CALU: variants seen among roughly 807,000 people sequenced by gnomAD.
The protein encoded by CALU is calumenin.
Under a neutral mutation model 37.5 loss-of-function variants are expected in CALU, and 13 were observed. That is an observed-to-expected ratio of 0.35 (90% CI 0.23 to 0.55). CALU has a LOEUF of 0.55. Among genes scored for constraint, CALU ranks in the 20% least tolerant of loss-of-function variants. The pLI is 0.89. For missense variants in CALU, 282 were observed against 391.7 expected, an observed-to-expected ratio of 0.72 and a Z score of 2.36; for synonymous variants, 114 against 133.8, an observed-to-expected ratio of 0.85 and a Z score of 1.02.
At chr7:128,759,696 A>G (rs1421226473) in intron 4 of CALU, 96 bp from the exon 5 acceptor site, 1 of 721,244 alleles carries the variant, frequency 1.4e-6, no homozygotes, top group African/African-American at 1.8e-5. Context: ...AGTGTGTTTA[A>G]TGAATAATAA....
At chr7:128,749,399 C>G (rs1022963999) in intron 2 of CALU, among the ~76,000 whole-genome samples, 1 of 152,106 alleles carries the variant, frequency 6.6e-6, no homozygotes, top group Non-Finnish European at 1.5e-5. Flanking sequence ...TTGGCTCTCT[C>G]GGTAGACATC....
Position 128,772,684 on chromosome 7 carries a change from A to G in CALU, c.*3517A>G. 1.2e-6 allele frequency: 2 copies of G among 1,614,004 alleles called. No homozygotes were observed. Among genetic ancestry groups the G allele is most frequent in the Non-Finnish European group, 1.7e-6 (2 of 1,179,884 alleles). On this transcript the variant is annotated 3_prime_UTR_variant, in exon 7 of 7. Transcript: ENST00000249364. ...ACTGGAGAGAAAGGTACAATTGGAGATAACCTTGGCAGATGAGGAAGTATG... is the reference window on the plus strand; with the variant it reads ...ACTGGAGAGAAAGGTACAATTGGAGGTAACCTTGGCAGATGAGGAAGTATG...
chr7:128,772,293 C>T lies in CALU; in HGVS notation c.*3126C>T, dbSNP rs1801615103. Reference sequence around the variant, plus strand: ...TCTCCAAGTGCTGTGAATGGTGCCACTTAGGAGTAGAAACTGATGATTGTT... The same window carrying T: ...TCTCCAAGTGCTGTGAATGGTGCCATTTAGGAGTAGAAACTGATGATTGTT... On this transcript the variant is annotated 3_prime_UTR_variant, in exon 7 of 7. Coordinates refer to ENST00000249364, the MANE Select transcript of CALU (RefSeq NM_001219.5). 6.6e-6 allele frequency among the ~76,000 whole-genome samples: 1 copy of T among 152,006 alleles called. No individual in the cohort carries two copies. The highest frequency in any genetic ancestry group is 1.5e-5 in the Non-Finnish European group (1 of 68,028).
intron 2 of CALU, among the ~76,000 whole-genome samples, chr7:128,751,671 G>T (rs955673806): frequency 9.3e-4 from 142 of 152,286 alleles, no homozygotes; most frequent in African/African-American, 3.4e-3. Context: ...AGGCTACAGT[G>T]AGCTGTAATT....
chr7:128,766,738 T>A (rs1243320224), intron 5 of CALU, among the ~76,000 whole-genome samples: 2 of 152,208 alleles, frequency 1.3e-5, no homozygotes, highest in African/African-American at 4.8e-5. Flanking sequence ...ATTACAGGTG[T>A]GAGCCACCAC....
intron 1 of CALU, among the ~76,000 whole-genome samples, chr7:128,743,865 G>A (rs1800331506): frequency 6.6e-6 from 1 of 152,092 alleles, no homozygotes; most frequent in South Asian, 2.1e-4. Flanking sequence ...CATTAACTTT[G>A]TATCATTTGG....
At chr7:128,754,504 G>A in intron 3 of CALU, 49 bp downstream of exon 3, 1 of 1,598,752 alleles carries the variant, frequency 6.3e-7, no homozygotes, top group South Asian at 1.1e-5. Flanking sequence ...CTGGCACCTT[G>A]AAACGTAACT....
chr7:128,752,345 G>A (rs1800708464), intron 2 of CALU, among the ~76,000 whole-genome samples: 1 of 152,152 alleles, frequency 6.6e-6, no homozygotes, highest in Non-Finnish European at 1.5e-5. Context: ...ATGCTCTTCA[G>A]TCAACTTAAT....
chr7:128,772,075 G>T lies in CALU; in HGVS notation c.*2908G>T, dbSNP rs2402937. 0.069 allele frequency among the ~76,000 whole-genome samples: 3,693 copies of T among 53,678 alleles called. 156 individuals are homozygous for T. Among genetic ancestry groups the T allele is most frequent in the African/African-American group, 0.18 (3,451 of 19,138 alleles). The allele number at this position is 53,678 out of a possible 152,430, so 35.2% of individuals were successfully genotyped here. On this transcript the variant is annotated 3_prime_UTR_variant, in exon 7 of 7. Transcript: ENST00000249364. ...CTGAGTTTTTTTTGTTTTTTTTTTTGTTTTGTTTTGTTTTTTCTTTATGTC... is the reference window on the plus strand; with the variant it reads ...CTGAGTTTTTTTTGTTTTTTTTTTTTTTTTGTTTTGTTTTTTCTTTATGTC...
intron 1 of CALU, among the ~76,000 whole-genome samples, chr7:128,741,145 A>G (rs1278303307): frequency 1.3e-5 from 2 of 152,238 alleles, no homozygotes; most frequent in Non-Finnish European, 2.9e-5. Flanking sequence ...ACAAGGCCCT[A>G]GATTCTCACT....
In CALU at chr7:128,768,904, G is replaced by A. The variant is rs536646896; in HGVS notation, c.844-159G>A. Among the ~76,000 whole-genome samples the A allele has an allele frequency of 1.5e-4, 22 of 146,998 alleles. No homozygotes were observed. The East Asian group carries it at 3.5e-3, about 24-fold the overall frequency. Reference sequence around the variant, plus strand: ...GTAATTGCTGTTTTCTTCCCTCTTCGTATGTATGTAGGGGGAATGAGGGCT... The same window carrying A: ...GTAATTGCTGTTTTCTTCCCTCTTCATATGTATGTAGGGGGAATGAGGGCT... On this transcript the variant is annotated intron_variant, in intron 6 of 6. Coordinates refer to ENST00000249364, the MANE Select transcript of CALU (RefSeq NM_001219.5).
intron 5 of CALU, among the ~76,000 whole-genome samples, chr7:128,764,908 A>G (rs1351163720): frequency 1.3e-5 from 2 of 152,108 alleles, no homozygotes; most frequent in Non-Finnish European, 2.9e-5. Flanking sequence ...TTTTACACGC[A>G]TCCTGTTTCT....
intron 2 of CALU, among the ~76,000 whole-genome samples, chr7:128,751,356 T>C (rs1448626091): frequency 1.3e-5 from 2 of 152,134 alleles, no homozygotes; most frequent in Non-Finnish European, 2.9e-5. Flanking sequence ...CATTATCCTT[T>C]TGGGGATCAC....
Position 128,754,364 on chromosome 7 carries a change from T to C in CALU, c.324T>C (p.Asp108=), listed in dbSNP as rs763656173. ...CACAAAAGCGCTGGATTTACGAGGA[T>C]GTAGAGCGACAGTGGAAGGGGCATG... ...KFAQKRWIYE[D]VERQWKGHDL... Residue 108 remains aspartate (D), a synonymous_variant, in exon 3 of 7, where the codon GAT becomes GAC. Coordinates refer to ENST00000249364, the MANE Select transcript of CALU (RefSeq NM_001219.5). The C allele has an allele frequency of 6.2e-7, 1 of 1,614,178 alleles. No homozygotes were observed. Among genetic ancestry groups the C allele is most frequent in the African/African-American group, 1.3e-5 (1 of 75,024 alleles).
intron 1 of CALU, among the ~76,000 whole-genome samples, chr7:128,739,715 C>T (rs1001746141): frequency 1.3e-5 from 2 of 152,164 alleles, no homozygotes; most frequent in African/African-American, 4.8e-5. Flanking sequence ...TTGCTGCGTC[C>T]TGGTCCTCCA....
At position 128,767,471 on chromosome 7, in the gene CALU, A is replaced by G. The variant is rs1480465283; in HGVS notation, c.659A>G (p.His220Arg). The stretch of plus-strand genomic sequence containing the variant: ...GTGTACCCAGGTGACATGTACAGCC[A>G]TGATGGGAATACTGATGAGCCAGAA... ...LEEYIGDMYS[H>R]DGNTDEPEWV... Residue 220 changes from histidine to arginine, a missense_variant, in exon 6 of 7, where the codon CAT (histidine) becomes CGT (arginine). Coordinates refer to ENST00000249364, the MANE Select transcript of CALU (RefSeq NM_001219.5). 11 of 1,613,542 alleles carry G rather than the reference A, an allele frequency of 6.8e-6. No homozygotes were observed. Among genetic ancestry groups the G allele is most frequent in the Admixed American group, 1.7e-5 (1 of 60,006 alleles).
chr7:128,748,817 C>G lies in CALU; in HGVS notation c.221+13C>G. ...AGGAAAGGCTTGGGTAAGGTACCAC[C>G]TCTCAGGGGTCTAGTGTGGGTAATG... On this transcript the variant is annotated intron_variant, in intron 2 of 6. Transcript: ENST00000249364. The G allele has an allele frequency of 6.4e-7, 1 of 1,551,872 alleles. No individual in the cohort carries two copies. Among genetic ancestry groups the G allele is most frequent in the South Asian group, 1.1e-5 (1 of 89,820 alleles).
intron 2 of CALU, among the ~76,000 whole-genome samples, chr7:128,751,685 C>T (rs1800682243): frequency 6.6e-6 from 1 of 152,140 alleles, no homozygotes; most frequent in Non-Finnish European, 1.5e-5. Flanking sequence ...TGTAATTGTA[C>T]CACTGCCCTC....
intron 2 of CALU, among the ~76,000 whole-genome samples, chr7:128,750,145 G>A (rs1031211349): frequency 6.7e-6 from 1 of 150,190 alleles, no homozygotes; most frequent in African/African-American, 2.5e-5. Flanking sequence ...GGAGAATGGC[G>A]TGAACCCGGG....
Sources: gnomAD v4.1 joint callset for allele counts (sites outside exome capture counted in the v4.1 genomes callset) on GRCh38, gnomAD v4.1.1 for gene constraint, MANE v1.5 for transcripts, NCBI Gene and HGNC (gene_info 2026-07-23, HGNC 2026-07-21) for gene names.